Variants in RTL4 observed in about 807,000 individuals in gnomAD.
The protein encoded by RTL4 is retrotransposon Gag like 4.
Under a neutral mutation model 5.3 loss-of-function variants are expected in RTL4, and 4 were observed. The ratio of observed to expected loss-of-function variants is 0.75; its 90% CI spans 0.37 to 1.72. The LOEUF is 1.72. RTL4 is among the 40% of genes most tolerant of loss of function. The pLI is 0.04. For missense variants in RTL4, 260 were observed against 227.1 expected (o/e 1.14, Z -0.93); for synonymous variants, 98 against 87.3 (o/e 1.12, Z -0.68).
At chrX:112,352,460 A>ATGGTAG in the RTL4 span, among the ~76,000 whole-genome samples, 1 of 111,782 alleles carries the variant, frequency 8.9e-6, no homozygotes, top group African/African-American at 3.2e-5. Context: ...CCAAAACAGG[A>ATGGTAG]TGGTACTGGT....
the RTL4 span, among the ~76,000 whole-genome samples, chrX:112,325,637 T>C: frequency 8.0e-5 from 9 of 112,069 alleles, no homozygotes; most frequent in Non-Finnish European, 1.7e-4. Context: ...TTATGCCTTA[T>C]ACAAAAATTA....
the RTL4 span, among the ~76,000 whole-genome samples, chrX:112,105,370 G>GT: frequency 9.0e-6 from 1 of 111,009 alleles, no homozygotes; most frequent in African/African-American, 3.3e-5. Context: ...CATTATTCTG[G>GT]TTTTTTTGTG....
the RTL4 span, among the ~76,000 whole-genome samples, chrX:112,147,954 T>C: frequency 3.6e-5 from 4 of 111,441 alleles, no homozygotes; most frequent in Admixed American, 3.8e-4. Context: ...CCCACCATAG[T>C]CTTTGCCACA....
At chrX:112,255,386 T>C in the RTL4 span, among the ~76,000 whole-genome samples, 22,746 of 111,137 alleles carry the variant, frequency 0.2, 1,813 homozygotes, top group African/African-American at 0.3. Context: ...GAGACCAAAT[T>C]AGGAGACTGT....
At chrX:112,246,191 G>A in the RTL4 span, among the ~76,000 whole-genome samples, 1 of 112,073 alleles carries the variant, frequency 8.9e-6, no homozygotes, top group Non-Finnish European at 1.9e-5. Context: ...CACTTGAGGA[G>A]GCAGTCTGTC....
At chrX:112,263,633 G>A in the RTL4 span, among the ~76,000 whole-genome samples, 1 of 111,728 alleles carries the variant, frequency 9.0e-6, no homozygotes, top group Non-Finnish European at 1.9e-5. Context: ...TGTTGAAAAT[G>A]GAAAGATTTC....
the RTL4 span, among the ~76,000 whole-genome samples, chrX:112,390,612 A>C: frequency 9.0e-6 from 1 of 110,650 alleles, no homozygotes; most frequent in South Asian, 3.9e-4. Context: ...AGAATGTTGA[A>C]TATATGCCCC....
At chrX:112,386,098 A>G in the RTL4 span, among the ~76,000 whole-genome samples, 1 of 109,598 alleles carries the variant, frequency 9.1e-6, no homozygotes, top group African/African-American at 3.4e-5. Flanking sequence ...ATTTTACAAT[A>G]GTTTTATTTT....
At chrX:112,307,877 A>C in the RTL4 span, among the ~76,000 whole-genome samples, 1 of 111,448 alleles carries the variant, frequency 9.0e-6, no homozygotes, top group Non-Finnish European at 1.9e-5. Context: ...CTTCCTCATC[A>C]TCACTCACTT....
At chrX:112,236,473 A>C in the RTL4 span, among the ~76,000 whole-genome samples, 15 of 81,406 alleles carry the variant, frequency 1.8e-4, no homozygotes, top group African/African-American at 7.0e-4. Context: ...ATATCTATAT[A>C]TAGATATAGA....
chrX:112,319,108 A>G, the RTL4 span, among the ~76,000 whole-genome samples: 2 of 112,046 alleles, frequency 1.8e-5, no homozygotes, highest in African/African-American at 6.5e-5. Flanking sequence ...CAAGTTTCCA[A>G]AAAACTGACG....
At chrX:112,322,524 T>C in the RTL4 span, among the ~76,000 whole-genome samples, 3 of 111,591 alleles carry the variant, frequency 2.7e-5, no homozygotes, top group African/African-American at 9.8e-5. Flanking sequence ...AGCCTTAATG[T>C]AATTTTGTAT....
the RTL4 span, among the ~76,000 whole-genome samples, chrX:112,222,867 A>G: frequency 8.9e-6 from 1 of 112,945 alleles, no homozygotes; most frequent in African/African-American, 3.2e-5. Flanking sequence ...TCTTGTTGCC[A>G]GTGAAAGAAG....
At chrX:112,258,997 G>A in the RTL4 span, among the ~76,000 whole-genome samples, 1 of 110,775 alleles carries the variant, frequency 9.0e-6, no homozygotes, top group African/African-American at 3.3e-5. Context: ...GTTCTTTCTG[G>A]ATACTCTGTT....
At chrX:112,457,041 G>A (rs1293789666) in exon 1 of RTL4, 5 of 123,132 alleles carry the variant, frequency 4.1e-5, no homozygotes, top group Non-Finnish European at 9.4e-5. Flanking sequence ...TCTTGTTTCT[G>A]ATGTATGTCC....
chrX:112,279,902 T>C, the RTL4 span, among the ~76,000 whole-genome samples: 1 of 111,850 alleles, frequency 8.9e-6, no homozygotes, highest in Non-Finnish European at 1.9e-5. Context: ...CTCCAGTAAT[T>C]ATTAATTGCA....
chrX:112,162,830 A>G, the RTL4 span, among the ~76,000 whole-genome samples: 1 of 111,115 alleles, frequency 9.0e-6, no homozygotes, highest in East Asian at 2.8e-4. Flanking sequence ...TCTGCTCCGG[A>G]GGATCCTAAG....
the RTL4 span, among the ~76,000 whole-genome samples, chrX:112,258,600 G>A: frequency 5.4e-4 from 60 of 110,252 alleles, no homozygotes; most frequent in African/African-American, 1.2e-3. Flanking sequence ...GTTTTTTCGC[G>A]GACTTCTAAG....
At chrX:112,113,449 T>C in the RTL4 span, among the ~76,000 whole-genome samples, 3 of 111,695 alleles carry the variant, frequency 2.7e-5, no homozygotes, top group Non-Finnish European at 3.8e-5. Flanking sequence ...GTTACAGCTA[T>C]CCCAGGATTC....
Sources: allele counts gnomAD v4.1 joint callset (sites outside exome capture counted in the v4.1 genomes callset), GRCh38; gene constraint gnomAD v4.1.1; transcripts MANE v1.5; gene names NCBI Gene and HGNC (gene_info 2026-07-23, HGNC 2026-07-21).